Variants in UGT1A6 observed in about 807,000 individuals in gnomAD.
UGT1A6 encodes the protein UDP glucuronosyltransferase family 1 member A6.
A neutral mutation model predicts 44.4 loss-of-function variants in UGT1A6; 32 were observed. That is an observed-to-expected ratio of 0.72 (90% CI 0.54 to 0.97). UGT1A6 has a LOEUF of 0.97. Ranked by LOEUF, UGT1A6 falls within the 50% of genes least tolerant of loss-of-function variation. UGT1A6 has a pLI of 0.00. For synonymous variants in UGT1A6, 238 were observed against 248.5 expected (o/e 0.96, Z 0.40); for missense variants, 685 against 661.9 (o/e 1.03, Z -0.38).
chr2:233,743,820 C>T (rs753368953), intron 1 of UGT1A6: 5 of 1,367,258 alleles, frequency 3.7e-6, no homozygotes, highest in Non-Finnish European at 4.9e-6. Context: ...GGGTTTTTGT[C>T]GGGGTGCCAC....
At chr2:233,744,164 C>T (rs974356538) in intron 1 of UGT1A6, 1 of 281,484 alleles carries the variant, frequency 3.6e-6, no homozygotes, top group African/African-American at 2.2e-5. Context: ...GCCCCGCCCA[C>T]TCCGGCCTCC....
chr2:233,729,958 G>A (rs2077960397), intron 1 of UGT1A6: 6 of 1,613,978 alleles, frequency 3.7e-6, no homozygotes, highest in Non-Finnish European at 5.1e-6. Context: ...CTTCATTGGG[G>A]GCATCAACTG....
intron 1 of UGT1A6, among the ~76,000 whole-genome samples, chr2:233,735,983 G>A (rs541234939): frequency 2.6e-5 from 4 of 152,114 alleles, no homozygotes; most frequent in Non-Finnish European, 5.9e-5. Context: ...TGACAATTAT[G>A]TGTCTTGGAG....
In UGT1A6 at chr2:233,747,168, G is replaced by C. The variant is rs1693578395; in HGVS notation, c.862-19866G>C. 4 of 1,593,782 alleles carry C rather than the reference G, an allele frequency of 2.5e-6. No homozygotes were observed. The South Asian group carries it at 4.5e-5, about 18-fold the overall frequency. On this transcript the variant is annotated intron_variant, in intron 1 of 4. Coordinates refer to ENST00000305139, the MANE Select transcript of UGT1A6 (RefSeq NM_001072.4). ...TAAGATGAAGAAAACAAATGTAGGA[G>C]GCACAGCGTGGGGTGGACAGTCAGC...
At chr2:233,751,247 A>G (rs1694675595) in intron 1 of UGT1A6, among the ~76,000 whole-genome samples, 1 of 151,954 alleles carries the variant, frequency 6.6e-6, no homozygotes, top group South Asian at 2.1e-4. Flanking sequence ...TTGGACTTGC[A>G]TGGGGCCTGT....
chr2:233,704,765 G>A (rs1449805023), intron 1 of UGT1A6, among the ~76,000 whole-genome samples: 4 of 151,870 alleles, frequency 2.6e-5, no homozygotes, highest in South Asian at 2.1e-4. Context: ...AATATATTAC[G>A]CTTCCATATG....
At chr2:233,753,891 G>C (rs2125923136) in intron 1 of UGT1A6, among the ~76,000 whole-genome samples, 1 of 152,280 alleles carries the variant, frequency 6.6e-6, no homozygotes, top group East Asian at 1.9e-4. Context: ...CCTTCAGAAG[G>C]AACATGCTTC....
At chr2:233,709,904 C>T (rs2076096506) in intron 1 of UGT1A6, among the ~76,000 whole-genome samples, 1 of 152,180 alleles carries the variant, frequency 6.6e-6, no homozygotes, top group Non-Finnish European at 1.5e-5. Flanking sequence ...TCTCAGTCAC[C>T]TAATACCTCC....
At chr2:233,760,867 C>T (rs767983942) in intron 1 of UGT1A6, 3 of 1,614,156 alleles carry the variant, frequency 1.9e-6, no homozygotes, top group Non-Finnish European at 2.5e-6. Flanking sequence ...CTCCTACGTG[C>T]CCAGGCCTCT....
At chr2:233,743,967 C>T in intron 1 of UGT1A6, 2 of 1,326,686 alleles carry the variant, frequency 1.5e-6, no homozygotes, top group Non-Finnish European at 2.0e-6. Flanking sequence ...AGCGGCAAGG[C>T]TGCCAGCACC....
chr2:233,695,194 C>T (rs1403782855), intron 1 of UGT1A6, among the ~76,000 whole-genome samples: 1 of 147,816 alleles, frequency 6.8e-6, no homozygotes, highest in Admixed American at 6.8e-5. Flanking sequence ...GGTGCGATCT[C>T]AGCCCACTGC....
At chr2:233,724,154 G>T (rs1327662182) in intron 1 of UGT1A6, among the ~76,000 whole-genome samples, 4 of 77,654 alleles carry the variant, frequency 5.2e-5, no homozygotes, top group Admixed American at 3.5e-4. Flanking sequence ...CTGGCCGGGT[G>T]GGGGGGCTGA....
intron 1 of UGT1A6, among the ~76,000 whole-genome samples, chr2:233,698,952 C>T (rs990930969): frequency 6.6e-6 from 1 of 152,240 alleles, no homozygotes; most frequent in Admixed American, 6.5e-5. Context: ...TCTGTCCAAG[C>T]TGGCCCTTGG....
intron 4 of UGT1A6, 26 bp downstream of exon 4, chr2:233,768,465 C>T: frequency 6.2e-7 from 1 of 1,606,188 alleles, no homozygotes; most frequent in Non-Finnish European, 8.5e-7. Context: ...CAGAAGAATA[C>T]TTTGGTCATG....
At chr2:233,760,874 C>T in intron 1 of UGT1A6, 1 of 1,614,100 alleles carries the variant, frequency 6.2e-7, no homozygotes, top group Non-Finnish European at 8.5e-7. Flanking sequence ...GTGCCCAGGC[C>T]TCTCTCCTCT....
chr2:233,755,339 G>A (rs2125934548), intron 1 of UGT1A6: 7 of 431,136 alleles, frequency 1.6e-5, no homozygotes, highest in South Asian at 1.2e-4. Flanking sequence ...CCGCGCACAG[G>A]TCAGAGGCTT....
chr2:233,736,452 G>A (rs1396481734), intron 1 of UGT1A6, among the ~76,000 whole-genome samples: 6 of 152,126 alleles, frequency 3.9e-5, no homozygotes, highest in Non-Finnish European at 7.3e-5. Flanking sequence ...CAATAGGTTC[G>A]AACATGCACT....
intron 1 of UGT1A6, among the ~76,000 whole-genome samples, chr2:233,764,766 A>C (rs1389982241): frequency 6.6e-6 from 1 of 152,156 alleles, no homozygotes; most frequent in Non-Finnish European, 1.5e-5. Flanking sequence ...CTAGGGAGGA[A>C]GGAGTTCAGA....
intron 1 of UGT1A6, among the ~76,000 whole-genome samples, chr2:233,704,633 C>CT (rs1366925708): frequency 6.6e-6 from 1 of 151,896 alleles, no homozygotes; most frequent in African/African-American, 2.4e-5. Flanking sequence ...TTATATTAAC[C>CT]TTTTTGCTTA....
Sources: gnomAD v4.1 joint callset for allele counts (sites outside exome capture counted in the v4.1 genomes callset) on GRCh38, gnomAD v4.1.1 for gene constraint, MANE v1.5 for transcripts, NCBI Gene and HGNC (gene_info 2026-07-23, HGNC 2026-07-21) for gene names.